SORCS1: variants seen among roughly 807,000 people sequenced by gnomAD.
SORCS1 encodes VPS10 domain-containing receptor SorCS1.
In SORCS1, 60 loss-of-function variants were observed where a neutral mutation model predicts 146.1. The observed-to-expected ratio is 0.41, with a 90% CI of 0.33 to 0.51. The LOEUF (loss-of-function observed/expected upper bound fraction) is 0.51. Ranked by LOEUF, SORCS1 falls within the 20% of genes least tolerant of loss-of-function variation. The probability of loss-of-function intolerance (pLI) is 0.21; values close to 1 mark genes in which losing one functional copy is unlikely to be tolerated. For synonymous variants in SORCS1, 637 were observed against 584.0 expected (o/e 1.09, Z -1.31); for missense variants, 1,352 against 1,487.6 (o/e 0.91, Z 1.50).
At chr10:107,178,392 C>A in the SORCS1 span, among the ~76,000 whole-genome samples, 1 of 151,992 alleles carries the variant, frequency 6.6e-6, no homozygotes, top group East Asian at 1.9e-4. Context: ...TGATATTTGT[C>A]TTTCTGTGCC....
At chr10:106,883,649 G>A (rs191464083) in intron 2 of SORCS1, among the ~76,000 whole-genome samples, 2 of 152,092 alleles carry the variant, frequency 1.3e-5, no homozygotes, top group Admixed American at 6.6e-5. Context: ...TCCTGACCTC[G>A]TGATCCACCC....
At chr10:106,692,120 C>T (rs896761312) in intron 9 of SORCS1, among the ~76,000 whole-genome samples, 1 of 152,196 alleles carries the variant, frequency 6.6e-6, no homozygotes, top group African/African-American at 2.4e-5. Context: ...CAGCTCACTG[C>T]AGCCACGACC....
At chr10:106,714,845 A>G (rs1855254057) in intron 6 of SORCS1, among the ~76,000 whole-genome samples, 1 of 152,018 alleles carries the variant, frequency 6.6e-6, no homozygotes, top group African/African-American at 2.4e-5. Flanking sequence ...TTCTTTCTCT[A>G]CTTCCCATGC....
Position 107,132,168 on chromosome 10 carries a change from C to T in SORCS1, c.558+31801G>A, listed in dbSNP as rs1183402091. 2.0e-5 allele frequency among the ~76,000 whole-genome samples: 3 copies of T among 152,086 alleles called. No individual in the cohort carries two copies. The East Asian group carries it at 5.8e-4, about 29-fold the overall frequency. On this transcript the variant is annotated intron_variant, in intron 1 of 25. Coordinates refer to ENST00000263054, the MANE Select transcript of SORCS1 (RefSeq NM_052918.5). ...CCCTTTCCCCTCTTCTTTCTCTTTT[C>T]TCTCATCTTTCCCACCCATCATCCT...
At chr10:106,956,427 C>A in intron 2 of SORCS1, 86 bp downstream of exon 2, 2 of 1,242,408 alleles carry the variant, frequency 1.6e-6, no homozygotes, top group South Asian at 1.3e-5. Context: ...CAGGAACCTT[C>A]CTGCCAGGAA....
chr10:106,952,542 A>ATATATTATATTATAT (rs35734331), intron 2 of SORCS1, among the ~76,000 whole-genome samples: 26,528 of 142,810 alleles, frequency 0.19, 2,748 homozygotes, highest in South Asian at 0.25. Context: ...ATGACACATT[A>ATATATTATATTATAT]TATATTATAT....
chr10:107,016,008 T>C (rs1392214509), intron 1 of SORCS1, among the ~76,000 whole-genome samples: 1 of 152,288 alleles, frequency 6.6e-6, no homozygotes, highest in East Asian at 1.9e-4. Context: ...AATAGACTAT[T>C]AGCAATCAAT....
chr10:106,842,523 T>C (rs2137152321), intron 2 of SORCS1, among the ~76,000 whole-genome samples: 1 of 152,048 alleles, frequency 6.6e-6, no homozygotes, highest in East Asian at 1.9e-4. Context: ...CGTGAGCCAT[T>C]GTGTCTGGCC....
chr10:106,861,749 C>T (rs982988657), intron 2 of SORCS1, among the ~76,000 whole-genome samples: 3 of 151,974 alleles, frequency 2.0e-5, no homozygotes, highest in African/African-American at 7.2e-5. Flanking sequence ...ATTAGCCAGG[C>T]GTGGTGGCAT....
At chr10:106,925,454 TTGAAATAC>T (rs1952966576) in intron 2 of SORCS1, among the ~76,000 whole-genome samples, 1 of 151,960 alleles carries the variant, frequency 6.6e-6, no homozygotes, top group African/African-American at 2.4e-5. Context: ...TGAAATTAGC[TTGAAATAC>T]AGAGGCTAAG....
At chr10:106,834,808 T>C (rs1326354821) in intron 2 of SORCS1, among the ~76,000 whole-genome samples, 1 of 152,242 alleles carries the variant, frequency 6.6e-6, no homozygotes, top group Admixed American at 6.5e-5. Context: ...CAAGCATTTT[T>C]ATTTTCAGGC....
intron 2 of SORCS1, among the ~76,000 whole-genome samples, chr10:106,873,191 C>A (rs991844579): frequency 8.7e-5 from 13 of 149,698 alleles, no homozygotes; most frequent in Non-Finnish European, 1.5e-4. Context: ...GTAATCCCAG[C>A]TACTCAGGTA....
chr10:106,672,655 C>T (rs1815342701), intron 15 of SORCS1, among the ~76,000 whole-genome samples: 1 of 152,184 alleles, frequency 6.6e-6, no homozygotes, highest in Admixed American at 6.5e-5. Flanking sequence ...AATTTTATCT[C>T]ATTATATCCT....
At chr10:106,896,428 CAA>C (rs781084783) in intron 2 of SORCS1, among the ~76,000 whole-genome samples, 51 of 57,124 alleles carry the variant, frequency 8.9e-4, no homozygotes, top group African/African-American at 1.6e-3. Context: ...GACTTTGTCT[CAA>C]AAAAAAAAAA....
chr10:107,067,296 C>CTT (rs145060045), intron 1 of SORCS1, among the ~76,000 whole-genome samples: 1 of 146,334 alleles, frequency 6.8e-6, no homozygotes. Context: ...TTCAACTTAA[C>CTT]TTTTTTTTTT....
chr10:106,999,251 A>G (rs941909398), intron 1 of SORCS1, among the ~76,000 whole-genome samples: 1 of 152,098 alleles, frequency 6.6e-6, no homozygotes, highest in Non-Finnish European at 1.5e-5. Context: ...CCACCACCAA[A>G]CATACATACA....
chr10:106,760,608 C>T (rs992077588), intron 5 of SORCS1, among the ~76,000 whole-genome samples: 24 of 151,852 alleles, frequency 1.6e-4, no homozygotes, highest in Admixed American at 5.3e-4. Context: ...TCCAGAACAA[C>T]GAAGAATAAA....
At chr10:106,968,887 G>A (rs894195476) in intron 1 of SORCS1, among the ~76,000 whole-genome samples, 2 of 152,110 alleles carry the variant, frequency 1.3e-5, no homozygotes, top group Non-Finnish European at 2.9e-5. Flanking sequence ...ATGTAGGCAA[G>A]GGAGGAAGAA....
At chr10:107,110,316 C>T (rs1297619679) in intron 1 of SORCS1, among the ~76,000 whole-genome samples, 1 of 152,040 alleles carries the variant, frequency 6.6e-6, no homozygotes, top group African/African-American at 2.4e-5. Flanking sequence ...TAAAGAAATA[C>T]CTAAGACAAG....
Sources: allele counts gnomAD v4.1 joint callset (sites outside exome capture counted in the v4.1 genomes callset), GRCh38; gene constraint gnomAD v4.1.1; transcripts MANE v1.5; gene names NCBI Gene and HGNC (gene_info 2026-07-23, HGNC 2026-07-21).